The following CADPS variants were observed in gnomAD, a reference collection of about 807,000 sequenced individuals.
CADPS encodes the protein calcium dependent secretion activator.
CADPS carries 57 observed loss-of-function variants against 167.3 expected under a neutral mutation model. The observed-to-expected ratio is 0.34, with a 90% CI of 0.28 to 0.42. The LOEUF (loss-of-function observed/expected upper bound fraction) is 0.42. Among genes scored for constraint, CADPS ranks in the 20% least tolerant of loss-of-function variants. CADPS has a pLI of 1.00. For missense variants in CADPS, 1,414 were observed against 1,738.1 expected (o/e 0.81, Z 3.32); for synonymous variants, 676 against 635.3 (o/e 1.06, Z -0.96).
At chr3:62,427,145 T>C (rs1272769231) in intron 28 of CADPS, among the ~76,000 whole-genome samples, 1 of 151,934 alleles carries the variant, frequency 6.6e-6, no homozygotes, top group African/African-American at 2.4e-5. Flanking sequence ...CTCATTGAAC[T>C]GACAAGATCT....
At chr3:62,467,562 G>C (rs17031697) in intron 24 of CADPS, among the ~76,000 whole-genome samples, 7,173 of 152,124 alleles carry the variant, frequency 0.047, 303 homozygotes, top group African/African-American at 0.11. Context: ...GTTTGTAATT[G>C]GAAGACCTGG....
chr3:62,842,715 A>G (rs1243783503), intron 1 of CADPS, among the ~76,000 whole-genome samples: 1 of 152,202 alleles, frequency 6.6e-6, no homozygotes, highest in African/African-American at 2.4e-5. Context: ...CTAAAGTCAA[A>G]TACAAGGTGA....
At chr3:62,594,169 A>T (rs200671686) in intron 6 of CADPS, among the ~76,000 whole-genome samples, 65 of 129,634 alleles carry the variant, frequency 5.0e-4, no homozygotes, top group South Asian at 9.8e-4. Flanking sequence ...TTATTTATTT[A>T]TTTATTTTTT....
intron 18 of CADPS, chr3:62,498,068 C>T (rs2065109198): frequency 2.2e-6 from 1 of 454,518 alleles, no homozygotes; most frequent in Admixed American, 2.4e-5. Context: ...GGAAAAGTCC[C>T]ATTAGAAGAC....
chr3:62,572,210 A>G (rs1312049694), intron 8 of CADPS, among the ~76,000 whole-genome samples: 4 of 152,132 alleles, frequency 2.6e-5, no homozygotes, highest in Non-Finnish European at 5.9e-5. Flanking sequence ...GCCAAAATCT[A>G]TTCAGATCTT....
chr3:62,432,602 A>T (rs1259885325), intron 28 of CADPS, among the ~76,000 whole-genome samples: 1 of 152,186 alleles, frequency 6.6e-6, no homozygotes. Flanking sequence ...CATTTTGATG[A>T]TGATGATGAT....
chr3:62,595,467 C>G (rs187076195), intron 6 of CADPS, among the ~76,000 whole-genome samples: 1 of 152,088 alleles, frequency 6.6e-6, no homozygotes, highest in Non-Finnish European at 1.5e-5. Flanking sequence ...GAATTAATGT[C>G]CCTGTCAATT....
chr3:62,867,183 T>A (rs1318689663), intron 1 of CADPS, among the ~76,000 whole-genome samples: 1 of 152,018 alleles, frequency 6.6e-6, no homozygotes, highest in African/African-American at 2.4e-5. Flanking sequence ...TTAAAAGAGC[T>A]ATTTGGATTG....
chr3:62,701,100 G>C (rs778552242), intron 3 of CADPS, among the ~76,000 whole-genome samples: 2 of 152,020 alleles, frequency 1.3e-5, no homozygotes, highest in Admixed American at 1.3e-4. Context: ...TCTCCCAAAG[G>C]CCCCACCTCA....
At chr3:62,507,326 C>T (rs1033989025) in intron 17 of CADPS, among the ~76,000 whole-genome samples, 14 of 152,118 alleles carry the variant, frequency 9.2e-5, no homozygotes, top group African/African-American at 3.1e-4. Context: ...GGGTAAAATT[C>T]CCTTGTGCTG....
chr3:62,522,933 T>C (rs1378255603), intron 13 of CADPS, among the ~76,000 whole-genome samples: 1 of 152,158 alleles, frequency 6.6e-6, no homozygotes, highest in African/African-American at 2.4e-5. Flanking sequence ...AATGAGTCTC[T>C]CCAGCCACAG....
chr3:62,833,772 C>T (rs1272966386), intron 1 of CADPS, among the ~76,000 whole-genome samples: 1 of 152,048 alleles, frequency 6.6e-6, no homozygotes, highest in East Asian at 1.9e-4. Flanking sequence ...ACCCCTTGCC[C>T]CAAAACAGAG....
intron 23 of CADPS, among the ~76,000 whole-genome samples, chr3:62,477,105 G>A (rs764255677): frequency 2.0e-5 from 3 of 152,164 alleles, no homozygotes; most frequent in Admixed American, 6.5e-5. Flanking sequence ...CTGCTGAGAT[G>A]CTGTTCACCT....
intron 6 of CADPS, 62 bp downstream of exon 6, chr3:62,645,660 G>A (rs988999072): frequency 1.3e-6 from 2 of 1,587,156 alleles, no homozygotes; most frequent in Admixed American, 1.8e-5. Context: ...CTTGGAGTTG[G>A]CCAAAATGGA....
At chr3:62,512,818 C>A (rs756346609) in intron 16 of CADPS, 50 bp from the exon 17 acceptor site, 2 of 1,531,970 alleles carry the variant, frequency 1.3e-6, no homozygotes, top group African/African-American at 2.7e-5. Flanking sequence ...GAAACAAGAA[C>A]ACATATGCAG....
chr3:62,472,971 A>G (rs1264540221), intron 24 of CADPS, among the ~76,000 whole-genome samples: 2 of 152,198 alleles, frequency 1.3e-5, no homozygotes, highest in Non-Finnish European at 2.9e-5. Context: ...CTTGTCAGAA[A>G]TGCCAATTCT....
chr3:62,512,667 T>G, intron 17 of CADPS, 84 bp downstream of exon 17: 1 of 1,037,012 alleles, frequency 9.6e-7, no homozygotes, highest in Non-Finnish European at 1.4e-6. Context: ...GTACAAACCT[T>G]AAGGAGCCAT....
At chr3:62,481,321 G>A (rs944627533) in intron 22 of CADPS, among the ~76,000 whole-genome samples, 3 of 152,130 alleles carry the variant, frequency 2.0e-5, no homozygotes, top group Admixed American at 2.0e-4. Context: ...AAACACCCCA[G>A]ATTCTAGGTA....
intron 27 of CADPS, among the ~76,000 whole-genome samples, chr3:62,444,912 G>C (rs931915496): frequency 4.6e-5 from 7 of 152,158 alleles, no homozygotes; most frequent in African/African-American, 1.7e-4. Flanking sequence ...ACCCTTGGTG[G>C]CTGTTGAGAT....
Sources: allele counts gnomAD v4.1 joint callset (sites outside exome capture counted in the v4.1 genomes callset), GRCh38; gene constraint gnomAD v4.1.1; transcripts MANE v1.5; gene names NCBI Gene and HGNC (gene_info 2026-07-23, HGNC 2026-07-21).